Variants in KAZN observed in about 807,000 individuals in gnomAD.
The protein encoded by KAZN is kazrin, periplakin interacting protein.
A neutral mutation model predicts 87.4 loss-of-function variants in KAZN; 40 were observed. The ratio of observed to expected loss-of-function variants is 0.46; its 90% confidence interval spans 0.36 to 0.60. The LOEUF is 0.60. Among genes scored for constraint, KAZN ranks in the 20% least tolerant of loss-of-function variants. KAZN has a pLI of 0.00. For missense variants in KAZN, 898 were observed against 1,073.9 expected, an observed-to-expected ratio of 0.84 and a Z score of 2.29; for synonymous variants, 466 against 458.3, an observed-to-expected ratio of 1.02 and a Z score of -0.22.
intron 1 of KAZN, among the ~76,000 whole-genome samples, chr1:13,959,211 G>T (rs571600802): frequency 6.6e-6 from 1 of 152,136 alleles, no homozygotes. Flanking sequence ...GGATGTAGCC[G>T]AGAAACACTT....
At chr1:14,953,319 C>T (rs961501764) in intron 1 of KAZN, among the ~76,000 whole-genome samples, 1 of 152,244 alleles carries the variant, frequency 6.6e-6, no homozygotes, top group Non-Finnish European at 1.5e-5. Flanking sequence ...CCACCTGGGC[C>T]CTGCTGGTTC....
intron 1 of KAZN, among the ~76,000 whole-genome samples, chr1:13,965,694 C>T (rs1029496462): frequency 7.2e-5 from 11 of 152,198 alleles, no homozygotes; most frequent in Admixed American, 7.2e-4. Flanking sequence ...TGAATTCACT[C>T]CGCAGCGACT....
At chr1:14,385,237 A>G (rs1371843258) in intron 2 of KAZN, among the ~76,000 whole-genome samples, 1 of 151,728 alleles carries the variant, frequency 6.6e-6, no homozygotes. Flanking sequence ...CGGTCTATTA[A>G]TTTTGTTGAT....
chr1:13,929,839 G>A (rs1021194865), intron 1 of KAZN, among the ~76,000 whole-genome samples: 7 of 152,176 alleles, frequency 4.6e-5, no homozygotes, highest in East Asian at 1.9e-4. Flanking sequence ...AATGCTTTGC[G>A]TGGGCCATTT....
chr1:14,127,269 A>C (rs924821789), intron 1 of KAZN, among the ~76,000 whole-genome samples: 2 of 152,222 alleles, frequency 1.3e-5, no homozygotes, highest in Non-Finnish European at 2.9e-5. Context: ...GCTGCACATA[A>C]AAAGAAAAAT....
At chr1:14,611,766 T>C (rs761748261) in intron 1 of KAZN, among the ~76,000 whole-genome samples, 1 of 152,178 alleles carries the variant, frequency 6.6e-6, no homozygotes, top group East Asian at 1.9e-4. Flanking sequence ...ATGAAAGTGC[T>C]TCTTGTTTTG....
At chr1:13,959,731 AC>A (rs1432435517) in intron 1 of KAZN, among the ~76,000 whole-genome samples, 1 of 152,044 alleles carries the variant, frequency 6.6e-6, no homozygotes, top group Non-Finnish European at 1.5e-5. Flanking sequence ...TCCACATCAT[AC>A]CCTCAATTTA....
intron 1 of KAZN, among the ~76,000 whole-genome samples, chr1:14,012,347 A>G (rs1346061311): frequency 1.3e-5 from 2 of 152,222 alleles, no homozygotes; most frequent in Non-Finnish European, 2.9e-5. Flanking sequence ...TCATATTTGT[A>G]CAAATGCACT....
At chr1:14,309,651 C>G (rs753901308) in intron 2 of KAZN, among the ~76,000 whole-genome samples, 37 of 152,152 alleles carry the variant, frequency 2.4e-4, no homozygotes, top group Non-Finnish European at 4.3e-4. Flanking sequence ...GCCTCCACCT[C>G]CCAGGCTCAG....
At position 13,954,883 on chromosome 1, in the gene KAZN, A is replaced by G. The variant is rs1022274448; in HGVS notation, c.91+61127A>G. 3.9e-5 allele frequency among the ~76,000 whole-genome samples: 6 copies of G among 152,178 alleles called. No homozygotes were observed. In the South Asian group the frequency reaches 6.2e-4, roughly 16 times the overall value. ...TCAGCATTAGTTTTTACGAATTGCTATGCTGTGTTTTTCATCTTCACCCTC... is the reference window on the plus strand; with the variant it reads ...TCAGCATTAGTTTTTACGAATTGCTGTGCTGTGTTTTTCATCTTCACCCTC... On this transcript the variant is annotated intron_variant, in intron 1 of 16. Transcript: ENST00000636203.
intron 1 of KAZN, among the ~76,000 whole-genome samples, chr1:14,601,822 C>T (rs558310533): frequency 2.0e-5 from 3 of 152,114 alleles, no homozygotes; most frequent in Non-Finnish European, 4.4e-5. Flanking sequence ...TTGAATAAAA[C>T]GAGTATCTTT....
intron 1 of KAZN, among the ~76,000 whole-genome samples, chr1:14,699,262 CACCCAGGTGGG>C (rs1229435771): frequency 6.6e-6 from 1 of 152,168 alleles, no homozygotes. Flanking sequence ...TCTCAGGTGG[CACCCAGGTGGG>C]ACCCAGGGAG....
intron 2 of KAZN, among the ~76,000 whole-genome samples, chr1:14,260,207 T>A (rs542254654): frequency 6.6e-5 from 10 of 152,228 alleles, no homozygotes; most frequent in African/African-American, 2.4e-4. Context: ...GAGACAGCAG[T>A]GAGCAAAACA....
At chr1:14,299,958 T>C (rs888552875) in intron 2 of KAZN, among the ~76,000 whole-genome samples, 1 of 152,116 alleles carries the variant, frequency 6.6e-6, no homozygotes, top group African/African-American at 2.4e-5. Flanking sequence ...GGCTTTGTTA[T>C]ATAACATGGT....
chr1:14,999,507 CGCCCCG>C (rs1261801168), intron 2 of KAZN, among the ~76,000 whole-genome samples: 17 of 139,296 alleles, frequency 1.2e-4, no homozygotes, highest in African/African-American at 5.0e-4. Context: ...CCCCTCCCCC[CGCCCCG>C]CCATCCAGAC....
chr1:14,950,351 T>C (rs1438283030), intron 1 of KAZN, among the ~76,000 whole-genome samples: 1 of 151,798 alleles, frequency 6.6e-6, no homozygotes, highest in East Asian at 1.9e-4. Flanking sequence ...GTTTGGCAAA[T>C]GGGGACAGAG....
chr1:14,686,257 T>G (rs1233023880), intron 1 of KAZN, among the ~76,000 whole-genome samples: 1 of 151,934 alleles, frequency 6.6e-6, no homozygotes, highest in African/African-American at 2.4e-5. Context: ...TAGAGATGGG[T>G]TTTCACCATG....
At chr1:14,217,425 C>A (rs570555157) in intron 2 of KAZN, among the ~76,000 whole-genome samples, 8 of 150,626 alleles carry the variant, frequency 5.3e-5, no homozygotes, top group African/African-American at 1.9e-4. Flanking sequence ...AAAAAAAAAA[C>A]CTAAGAAAAT....
chr1:14,365,269 A>C (rs1283524136), intron 2 of KAZN, among the ~76,000 whole-genome samples: 3 of 151,610 alleles, frequency 2.0e-5, no homozygotes, highest in Admixed American at 6.6e-5. Flanking sequence ...GGATGGTCTC[A>C]ATCTCCTGAC....
Sources: gnomAD v4.1 joint callset for allele counts (sites outside exome capture counted in the v4.1 genomes callset) on GRCh38, gnomAD v4.1.1 for gene constraint, MANE v1.5 for transcripts, NCBI Gene and HGNC (gene_info 2026-07-23, HGNC 2026-07-21) for gene names.